GRID1: variants seen among roughly 807,000 people sequenced by gnomAD.
The protein encoded by GRID1 is glutamate receptor ionotropic, delta-1.
In GRID1, 28 loss-of-function variants were observed where a neutral mutation model predicts 98.0. The observed-to-expected ratio is 0.29, with a 90% CI of 0.21 to 0.39. The LOEUF (loss-of-function observed/expected upper bound fraction) is 0.39, where lower values mean the gene tolerates loss of function less well. Ranked by LOEUF, GRID1 falls within the 10% of genes least tolerant of loss-of-function variation. The pLI is 1.00. For synonymous variants in GRID1, 553 were observed against 538.5 expected (o/e 1.03, Z -0.37); for missense variants, 1,111 against 1,340.5 (o/e 0.83, Z 2.67).
chr10:86,271,523 T>TTA (rs1847184813), intron 2 of GRID1, among the ~76,000 whole-genome samples: 1 of 152,198 alleles, frequency 6.6e-6, no homozygotes, highest in Admixed American at 6.5e-5. Flanking sequence ...AAACAGTCAT[T>TTA]ATAACTACAT....
intron 2 of GRID1, among the ~76,000 whole-genome samples, chr10:86,295,478 T>C (rs1018228356): frequency 6.6e-6 from 1 of 152,102 alleles, no homozygotes; most frequent in Non-Finnish European, 1.5e-5. Flanking sequence ...AGCATCGCCA[T>C]CCACTGCCAC....
chr10:86,132,932 T>C (rs547919531), intron 4 of GRID1, among the ~76,000 whole-genome samples: 64 of 152,174 alleles, frequency 4.2e-4, no homozygotes, highest in Non-Finnish European at 7.8e-4. Flanking sequence ...CCTAACTCCA[T>C]CCAGCCTGGA....
intron 3 of GRID1, among the ~76,000 whole-genome samples, chr10:86,168,356 G>A (rs569535998): frequency 2.6e-5 from 4 of 152,020 alleles, no homozygotes; most frequent in South Asian, 4.2e-4. Flanking sequence ...GGCAAGGGGC[G>A]TGACCCCAGG....
intron 3 of GRID1, among the ~76,000 whole-genome samples, chr10:86,184,918 T>C (rs1845708129): frequency 6.6e-6 from 1 of 152,198 alleles, no homozygotes; most frequent in Admixed American, 6.5e-5. Flanking sequence ...GTTGTGTTAG[T>C]CCTCCAAGTT....
At chr10:85,978,288 A>G (rs1842499479) in intron 4 of GRID1, among the ~76,000 whole-genome samples, 1 of 152,216 alleles carries the variant, frequency 6.6e-6, no homozygotes, top group Admixed American at 6.5e-5. Context: ...CAAAGGACCT[A>G]AAGCAGCCAG....
chr10:85,890,991 T>C (rs530827399), intron 5 of GRID1, among the ~76,000 whole-genome samples: 3 of 152,186 alleles, frequency 2.0e-5, no homozygotes, highest in Non-Finnish European at 4.4e-5. Flanking sequence ...CAGGCAGATA[T>C]TCAAACAGAA....
chr10:85,802,594 C>A (rs563995215), intron 8 of GRID1, among the ~76,000 whole-genome samples: 5 of 151,832 alleles, frequency 3.3e-5, no homozygotes, highest in African/African-American at 1.2e-4. Context: ...AGATTCAGAT[C>A]TTATCTTTAA....
chr10:86,009,419 C>T (rs139329855), intron 4 of GRID1, among the ~76,000 whole-genome samples: 49 of 152,256 alleles, frequency 3.2e-4, no homozygotes, highest in African/African-American at 1.1e-3. Context: ...GAGGATTCTA[C>T]AGCCCTGATG....
chr10:86,169,310 A>C (rs1845446919), intron 3 of GRID1, among the ~76,000 whole-genome samples: 1 of 152,216 alleles, frequency 6.6e-6, no homozygotes, highest in Non-Finnish European at 1.5e-5. Flanking sequence ...CCCCAGGGGC[A>C]GTGGTATGCT....
At chr10:85,902,718 A>T (rs1357098632) in intron 5 of GRID1, among the ~76,000 whole-genome samples, 1 of 152,198 alleles carries the variant, frequency 6.6e-6, no homozygotes, top group Non-Finnish European at 1.5e-5. Context: ...ATTATGTGAC[A>T]TCAAACTGTT....
chr10:85,701,041 T>G (rs184914178), intron 12 of GRID1, among the ~76,000 whole-genome samples: 1 of 152,140 alleles, frequency 6.6e-6, no homozygotes, highest in Admixed American at 6.6e-5. Flanking sequence ...CCTACTGAAA[T>G]GAACAGGCCA....
intron 4 of GRID1, among the ~76,000 whole-genome samples, chr10:85,970,515 T>C (rs1842393987): frequency 6.6e-6 from 1 of 152,034 alleles, no homozygotes; most frequent in Non-Finnish European, 1.5e-5. Context: ...TTGTTTAACA[T>C]CTGAAAACCA....
intron 4 of GRID1, among the ~76,000 whole-genome samples, chr10:85,956,974 A>G (rs1842202663): frequency 6.6e-6 from 1 of 152,216 alleles, no homozygotes; most frequent in South Asian, 2.1e-4. Context: ...TCAGGAAACA[A>G]TCATGGTGGA....
intron 5 of GRID1, among the ~76,000 whole-genome samples, chr10:85,893,021 C>T (rs1000421468): frequency 3.6e-4 from 55 of 152,110 alleles, no homozygotes; most frequent in African/African-American, 1.3e-3. Flanking sequence ...AATTTTGAAT[C>T]CAACATTTTC....
intron 2 of GRID1, among the ~76,000 whole-genome samples, chr10:86,244,676 G>T (rs1347187461): frequency 1.3e-5 from 2 of 152,232 alleles, no homozygotes; most frequent in Non-Finnish European, 2.9e-5. Flanking sequence ...CCCTCTCGTG[G>T]ATGGACAGAC....
intron 13 of GRID1, among the ~76,000 whole-genome samples, chr10:85,644,453 G>A (rs1169384159): frequency 1.3e-5 from 2 of 152,152 alleles, no homozygotes; most frequent in African/African-American, 4.8e-5. Flanking sequence ...ATTTTTAAGA[G>A]GGTATAATAT....
intron 2 of GRID1, among the ~76,000 whole-genome samples, chr10:86,357,968 A>G (rs1296873492): frequency 1.3e-5 from 2 of 152,188 alleles, no homozygotes; most frequent in Non-Finnish European, 2.9e-5. Flanking sequence ...CTGAAGAACA[A>G]CCTGCTCAGG....
intron 4 of GRID1, among the ~76,000 whole-genome samples, chr10:86,018,467 G>C (rs990021846): frequency 1.3e-5 from 2 of 152,196 alleles, no homozygotes; most frequent in Non-Finnish European, 2.9e-5. Context: ...GGGGGAACTC[G>C]AGTTACACAT....
At chr10:85,969,748 C>T (rs1387506844) in intron 4 of GRID1, among the ~76,000 whole-genome samples, 3 of 151,684 alleles carry the variant, frequency 2.0e-5, no homozygotes, top group Non-Finnish European at 1.5e-5. Flanking sequence ...AGAAAGAAGG[C>T]CTCAAATCAG....
Sources: allele counts gnomAD v4.1 joint callset (sites outside exome capture counted in the v4.1 genomes callset), GRCh38; gene constraint gnomAD v4.1.1; transcripts MANE v1.5; gene names NCBI Gene and HGNC (gene_info 2026-07-23, HGNC 2026-07-21).